DLGAP1: variants seen among roughly 807,000 people sequenced by gnomAD.
The protein encoded by DLGAP1 is DLG associated protein 1, also known as disks large-associated protein 1.
In DLGAP1, 11 loss-of-function variants were observed where a neutral mutation model predicts 90.8. The ratio of observed to expected loss-of-function variants is 0.12; its 90% CI spans 0.08 to 0.20. DLGAP1 has a LOEUF of 0.20. Ranked by LOEUF, DLGAP1 falls within the 10% of genes least tolerant of loss-of-function variation. The pLI is 1.00. For synonymous variants in DLGAP1, 558 were observed against 540.7 expected, an observed-to-expected ratio of 1.03 and a Z score of -0.44; for missense variants, 1,050 against 1,333.8, an observed-to-expected ratio of 0.79 and a Z score of 3.31.
At chr18:3,897,049 T>TA (rs1446056146) in intron 3 of DLGAP1, 1 of 152,256 alleles carries the variant, frequency 6.6e-6, no homozygotes, top group African/African-American at 2.4e-5. Context: ...AACCGAAGAA[T>TA]AAAAAAAGTT....
chr18:3,779,070 G>A (rs2065068720), intron 5 of DLGAP1, among the ~76,000 whole-genome samples: 2 of 152,180 alleles, frequency 1.3e-5, no homozygotes, highest in Non-Finnish European at 2.9e-5. Flanking sequence ...CAGGTGGTGA[G>A]TGAGCAAGTT....
At chr18:4,410,084 C>T (rs2082744218) in intron 1 of DLGAP1, among the ~76,000 whole-genome samples, 1 of 152,126 alleles carries the variant, frequency 6.6e-6, no homozygotes, top group Non-Finnish European at 1.5e-5. Flanking sequence ...TATGTTCTCA[C>T]TGATATGTGG....
chr18:3,883,168 C>T (rs138753591), intron 3 of DLGAP1, among the ~76,000 whole-genome samples: 1,738 of 152,262 alleles, frequency 0.011, 23 homozygotes, highest in Middle Eastern at 0.041. Context: ...TGCTTGAATC[C>T]AGGAGGCGGA....
At chr18:3,635,194 G>A (rs533999743) in intron 7 of DLGAP1, among the ~76,000 whole-genome samples, 13 of 151,322 alleles carry the variant, frequency 8.6e-5, no homozygotes, top group South Asian at 2.1e-4. Context: ...GCAGTGGCGG[G>A]ATCTCGGCTC....
intron 3 of DLGAP1, among the ~76,000 whole-genome samples, chr18:4,004,667 G>GT (rs2074264486): frequency 1.3e-5 from 2 of 152,304 alleles, no homozygotes; most frequent in Admixed American, 6.5e-5. Flanking sequence ...AATAACCAGT[G>GT]TGTGAGAGTT....
intron 9 of DLGAP1, among the ~76,000 whole-genome samples, chr18:3,544,695 T>C (rs905277874): frequency 6.6e-6 from 1 of 150,602 alleles, no homozygotes; most frequent in African/African-American, 2.4e-5. Context: ...TGTGTGTACT[T>C]GGAAAAAAAA....
chr18:4,202,609 G>GA (rs1223810612), intron 1 of DLGAP1, among the ~76,000 whole-genome samples: 1 of 151,592 alleles, frequency 6.6e-6, no homozygotes. Context: ...ACATTTAAAA[G>GA]AAAAAAATCA....
chr18:3,910,709 T>C (rs1364110907), intron 3 of DLGAP1, among the ~76,000 whole-genome samples: 2 of 152,184 alleles, frequency 1.3e-5, no homozygotes, highest in Non-Finnish European at 2.9e-5. Context: ...AAGTTGATTA[T>C]GGAGCTGTAT....
At chr18:4,187,852 C>T (rs1180912048) in intron 1 of DLGAP1, among the ~76,000 whole-genome samples, 1 of 151,868 alleles carries the variant, frequency 6.6e-6, no homozygotes, top group Non-Finnish European at 1.5e-5. Context: ...CAAAAATTAG[C>T]CAGGTGTGGT....
intron 4 of DLGAP1, among the ~76,000 whole-genome samples, chr18:3,834,923 TAACCTAAGG>T (rs1255643482): frequency 6.6e-6 from 1 of 152,216 alleles, no homozygotes; most frequent in Admixed American, 6.5e-5. Flanking sequence ...ATGTACACGA[TAACCTAAGG>T]AACAGGCTTT....
At chr18:4,402,597 C>T (rs920869238) in intron 1 of DLGAP1, among the ~76,000 whole-genome samples, 3 of 152,078 alleles carry the variant, frequency 2.0e-5, no homozygotes, top group Non-Finnish European at 4.4e-5. Flanking sequence ...ACATCAGAAT[C>T]GGATCTCAAA....
intron 7 of DLGAP1, among the ~76,000 whole-genome samples, chr18:3,590,056 A>T (rs916433776): frequency 6.6e-6 from 1 of 152,154 alleles, no homozygotes; most frequent in Non-Finnish European, 1.5e-5. Context: ...GATTACAGGC[A>T]TGTGCCACCA....
chr18:4,424,524 T>C (rs2083109696), intron 1 of DLGAP1, among the ~76,000 whole-genome samples: 1 of 152,164 alleles, frequency 6.6e-6, no homozygotes. Context: ...TGGCCAGTCA[T>C]TGAGATAAGG....
intron 2 of DLGAP1, among the ~76,000 whole-genome samples, chr18:4,006,283 C>T (rs9960185): frequency 0.066 from 9,998 of 152,236 alleles, 943 homozygotes; most frequent in African/African-American, 0.21. Flanking sequence ...CAGGGCTAAA[C>T]TGTGTTTGAA....
chr18:3,960,752 G>T (rs1220812474), intron 3 of DLGAP1, among the ~76,000 whole-genome samples: 2 of 152,180 alleles, frequency 1.3e-5, no homozygotes, highest in Non-Finnish European at 2.9e-5. Context: ...TCAGTCCTCG[G>T]CGCCTCTAGC....
intron 1 of DLGAP1, among the ~76,000 whole-genome samples, chr18:4,288,969 T>G (rs551030892): frequency 1.3e-5 from 2 of 152,296 alleles, no homozygotes; most frequent in South Asian, 2.1e-4. Context: ...TTCTGTCATG[T>G]GGCGCCCATT....
intron 1 of DLGAP1, among the ~76,000 whole-genome samples, chr18:4,375,019 A>T (rs960370283): frequency 1.3e-5 from 2 of 152,178 alleles, no homozygotes; most frequent in African/African-American, 4.8e-5. Flanking sequence ...TGCTTTTCAA[A>T]CAAATAATTA....
intron 5 of DLGAP1, among the ~76,000 whole-genome samples, chr18:3,757,999 C>G (rs902988020): frequency 9.2e-5 from 14 of 151,658 alleles, no homozygotes; most frequent in Admixed American, 5.9e-4. Flanking sequence ...GCCTGTAATC[C>G]TAGCTACTCG....
chr18:3,831,152 C>T (rs2068015062), intron 4 of DLGAP1, among the ~76,000 whole-genome samples: 1 of 152,120 alleles, frequency 6.6e-6, no homozygotes, highest in South Asian at 2.1e-4. Flanking sequence ...ATCCAAGGAG[C>T]TGCAGTTGGA....
Sources: allele counts gnomAD v4.1 joint callset (sites outside exome capture counted in the v4.1 genomes callset), GRCh38; gene constraint gnomAD v4.1.1; transcripts MANE v1.5; gene names NCBI Gene and HGNC (gene_info 2026-07-23, HGNC 2026-07-21).